The following LRRTM4 variants were observed in gnomAD, a reference collection of about 807,000 sequenced individuals.
LRRTM4 encodes the protein leucine rich repeat transmembrane neuronal 4, also known as leucine-rich repeat transmembrane neuronal protein 4.
Under a neutral mutation model 47.6 loss-of-function variants are expected in LRRTM4, and 25 were observed. That is an observed-to-expected ratio of 0.53 (90% CI 0.38 to 0.73). The LOEUF (loss-of-function observed/expected upper bound fraction) is 0.73. LRRTM4 is among the 30% of genes least tolerant of loss of function. The pLI is 0.00. For synonymous variants in LRRTM4, 311 were observed against 269.5 expected, an observed-to-expected ratio of 1.15 and a Z score of -1.51; for missense variants, 638 against 713.4, an observed-to-expected ratio of 0.89 and a Z score of 1.20.
intron 3 of LRRTM4, among the ~76,000 whole-genome samples, chr2:77,039,349 C>A (rs1678949598): frequency 6.8e-6 from 1 of 148,050 alleles, no homozygotes. Context: ...TAAATGAAGG[C>A]AAATCAGATG....
At chr2:76,944,484 C>T (rs1465820968) in intron 3 of LRRTM4, among the ~76,000 whole-genome samples, 1 of 151,994 alleles carries the variant, frequency 6.6e-6, no homozygotes, top group Non-Finnish European at 1.5e-5. Flanking sequence ...TTCTCCAGTA[C>T]CTGATAAGTA....
chr2:77,212,470 T>TAGAG (rs1200612973), intron 3 of LRRTM4, among the ~76,000 whole-genome samples: 10 of 146,268 alleles, frequency 6.8e-5, no homozygotes, highest in African/African-American at 2.3e-4. Flanking sequence ...TATATATATA[T>TAGAG]ATATAGAGAG....
At chr2:77,516,393 C>T (rs564494026) in intron 3 of LRRTM4, among the ~76,000 whole-genome samples, 1 of 151,756 alleles carries the variant, frequency 6.6e-6, no homozygotes, top group African/African-American at 2.4e-5. Context: ...CTGGAAAAGT[C>T]TTAGAACCCC....
At chr2:77,032,810 A>G (rs1426100599) in intron 3 of LRRTM4, among the ~76,000 whole-genome samples, 5 of 152,094 alleles carry the variant, frequency 3.3e-5, no homozygotes, top group Admixed American at 6.6e-5. Flanking sequence ...CAATAATGAT[A>G]TGTTTGGAAA....
At chr2:76,789,891 T>C (rs1031210436) in intron 3 of LRRTM4, among the ~76,000 whole-genome samples, 1 of 152,164 alleles carries the variant, frequency 6.6e-6, no homozygotes, top group African/African-American at 2.4e-5. Context: ...TTCTTTTTTA[T>C]CTCTAGCTCT....
chr2:77,220,780 T>C (rs1674599225), intron 3 of LRRTM4, among the ~76,000 whole-genome samples: 1 of 152,218 alleles, frequency 6.6e-6, no homozygotes, highest in South Asian at 2.1e-4. Flanking sequence ...GAAAACACTC[T>C]GCAGGATATT....
chr2:76,775,788 G>A (rs1673947975), intron 3 of LRRTM4, among the ~76,000 whole-genome samples: 1 of 151,712 alleles, frequency 6.6e-6, no homozygotes, highest in African/African-American at 2.4e-5. Context: ...TTAAGTTTTA[G>A]GGTACATGTG....
intron 3 of LRRTM4, among the ~76,000 whole-genome samples, chr2:77,181,710 C>T (rs747493291): frequency 7.2e-5 from 11 of 152,014 alleles, no homozygotes; most frequent in Non-Finnish European, 1.5e-4. Context: ...GTTAATTCTC[C>T]CTATCTTAAC....
At chr2:77,006,416 G>C (rs1421339494) in intron 3 of LRRTM4, among the ~76,000 whole-genome samples, 1 of 152,118 alleles carries the variant, frequency 6.6e-6, no homozygotes, top group African/African-American at 2.4e-5. Flanking sequence ...ATATGACCTA[G>C]GAATATTATC....
At chr2:76,969,574 A>G (rs898366139) in intron 3 of LRRTM4, among the ~76,000 whole-genome samples, 3 of 151,850 alleles carry the variant, frequency 2.0e-5, no homozygotes, top group African/African-American at 7.2e-5. Flanking sequence ...TGTTGCATCA[A>G]TCTAATGCAT....
At chr2:77,306,992 C>T (rs902425248) in intron 3 of LRRTM4, among the ~76,000 whole-genome samples, 6 of 147,984 alleles carry the variant, frequency 4.1e-5, no homozygotes, top group Admixed American at 2.7e-4. Context: ...CTCCGCCTCC[C>T]GGGTTCACAC....
At chr2:76,932,836 G>A (rs576291077) in intron 3 of LRRTM4, among the ~76,000 whole-genome samples, 3 of 151,132 alleles carry the variant, frequency 2.0e-5, no homozygotes, top group Non-Finnish European at 4.4e-5. Context: ...TTCTTTTTTT[G>A]GTATTTAATT....
At chr2:77,446,003 A>T (rs1034602179) in intron 3 of LRRTM4, among the ~76,000 whole-genome samples, 2 of 152,032 alleles carry the variant, frequency 1.3e-5, no homozygotes, top group Non-Finnish European at 2.9e-5. Flanking sequence ...TAATGCAAAA[A>T]ATATGGAGCA....
At chr2:77,102,175 CCCA>C (rs1279699498) in intron 3 of LRRTM4, among the ~76,000 whole-genome samples, 2 of 152,184 alleles carry the variant, frequency 1.3e-5, no homozygotes, top group African/African-American at 4.8e-5. Flanking sequence ...ACTGCAGACT[CCCA>C]CCCACTGAGA....
chr2:77,117,908 T>G (rs993424452), intron 3 of LRRTM4, among the ~76,000 whole-genome samples: 1 of 151,954 alleles, frequency 6.6e-6, no homozygotes, highest in African/African-American at 2.4e-5. Flanking sequence ...GGAGATGGAA[T>G]TCCTGTATTA....
intron 3 of LRRTM4, among the ~76,000 whole-genome samples, chr2:77,453,692 A>G (rs1413990457): frequency 6.6e-6 from 1 of 152,048 alleles, no homozygotes; most frequent in East Asian, 1.9e-4. Context: ...TAGCTAGTCA[A>G]TATTTCTTTA....
At chr2:77,096,860 C>T (rs1558578557) in intron 3 of LRRTM4, among the ~76,000 whole-genome samples, 1 of 151,642 alleles carries the variant, frequency 6.6e-6, no homozygotes, top group East Asian at 1.9e-4. Context: ...GGAAGAAACA[C>T]TTTCAGATAT....
At chr2:77,422,574 A>G (rs1674943675) in intron 3 of LRRTM4, among the ~76,000 whole-genome samples, 1 of 152,242 alleles carries the variant, frequency 6.6e-6, no homozygotes, top group Non-Finnish European at 1.5e-5. Flanking sequence ...TATTGATATA[A>G]TAAGCAGAAA....
intron 3 of LRRTM4, among the ~76,000 whole-genome samples, chr2:76,946,046 C>A (rs1411308178): frequency 2.0e-5 from 3 of 151,552 alleles, no homozygotes; most frequent in Non-Finnish European, 4.4e-5. Flanking sequence ...TAGCATTTTG[C>A]CAAGTTTCAT....
Sources: allele counts gnomAD v4.1 joint callset (sites outside exome capture counted in the v4.1 genomes callset), GRCh38; gene constraint gnomAD v4.1.1; transcripts MANE v1.5; gene names NCBI Gene and HGNC (gene_info 2026-07-23, HGNC 2026-07-21).